Variants in NT5DC1 observed in about 807,000 individuals in gnomAD.
NT5DC1 encodes the protein 5'-nucleotidase domain-containing protein 1.
A neutral mutation model predicts 59.4 loss-of-function variants in NT5DC1; 42 were observed. That is an observed-to-expected ratio of 0.71 (90% CI 0.55 to 0.92). NT5DC1 has a LOEUF of 0.92. Ranked by LOEUF, NT5DC1 falls within the 40% of genes least tolerant of loss-of-function variation. The probability of loss-of-function intolerance (pLI) is 0.00; values close to 1 mark genes in which losing one functional copy is unlikely to be tolerated. For synonymous variants in NT5DC1, 172 were observed against 188.1 expected (o/e 0.91, Z 0.70); for missense variants, 501 against 537.1 (o/e 0.93, Z 0.66).
At chr6:116,108,570 GT>G in intron 3 of NT5DC1, 135 bp downstream of exon 3, 1 of 616,748 alleles carries the variant, frequency 1.6e-6, no homozygotes, top group South Asian at 2.0e-5. Flanking sequence ...CTGTCTACAT[GT>G]CTTTGTATGA....
intron 8 of NT5DC1, among the ~76,000 whole-genome samples, chr6:116,236,613 T>G (rs960517193): frequency 1.3e-5 from 2 of 152,190 alleles, no homozygotes; most frequent in African/African-American, 4.8e-5. Flanking sequence ...CTAATGACTT[T>G]CATTGTGTTA....
At chr6:116,223,304 C>T (rs557208479) in intron 8 of NT5DC1, among the ~76,000 whole-genome samples, 173 bp downstream of exon 8, 1 of 152,314 alleles carries the variant, frequency 6.6e-6, no homozygotes, top group African/African-American at 2.4e-5. Flanking sequence ...ACAATTATTT[C>T]TTTGCATGTC....
At chr6:116,155,644 A>G (rs985877139) in intron 6 of NT5DC1, among the ~76,000 whole-genome samples, 6 of 152,026 alleles carry the variant, frequency 3.9e-5, no homozygotes, top group Non-Finnish European at 5.9e-5. Flanking sequence ...CTCCATTACA[A>G]CATAGGTTGT....
intron 4 of NT5DC1, among the ~76,000 whole-genome samples, chr6:116,111,698 T>A (rs1314921281): frequency 1.3e-5 from 2 of 152,216 alleles, no homozygotes; most frequent in Non-Finnish European, 2.9e-5. Flanking sequence ...TTGTTCCTAT[T>A]GTGTTTGCTT....
intron 8 of NT5DC1, among the ~76,000 whole-genome samples, chr6:116,228,452 G>A (rs929658548): frequency 5.3e-5 from 8 of 152,120 alleles, no homozygotes; most frequent in Admixed American, 3.3e-4. Flanking sequence ...AGGTTGCGGT[G>A]AGCCAAGATC....
At chr6:116,207,767 G>A (rs868396567) in intron 6 of NT5DC1, among the ~76,000 whole-genome samples, 4 of 151,890 alleles carry the variant, frequency 2.6e-5, no homozygotes, top group Admixed American at 6.6e-5. Flanking sequence ...GGTTCCCACT[G>A]TATTTCTACC....
chr6:116,157,059 T>C (rs1004137928), intron 6 of NT5DC1, among the ~76,000 whole-genome samples: 10 of 152,146 alleles, frequency 6.6e-5, no homozygotes, highest in African/African-American at 2.4e-4. Context: ...TTCCACCAAA[T>C]AGACATGGAG....
At chr6:116,181,749 T>C (rs1780876782) in intron 6 of NT5DC1, among the ~76,000 whole-genome samples, 1 of 151,910 alleles carries the variant, frequency 6.6e-6, no homozygotes, top group African/African-American at 2.4e-5. Flanking sequence ...TTGAGAGAAA[T>C]AACTGAAGAC....
intron 6 of NT5DC1, among the ~76,000 whole-genome samples, chr6:116,209,903 A>T (rs1781540598): frequency 6.6e-6 from 1 of 152,014 alleles, no homozygotes; most frequent in Admixed American, 6.6e-5. Context: ...TTTAACAGAT[A>T]ATGGTCATCA....
At chr6:116,151,910 T>A (rs1271129928) in intron 6 of NT5DC1, among the ~76,000 whole-genome samples, 5 of 152,198 alleles carry the variant, frequency 3.3e-5, no homozygotes, top group Non-Finnish European at 7.4e-5. Context: ...TGCATTTATT[T>A]TGGCTTCTGA....
At chr6:116,173,894 G>A (rs758049943) in intron 6 of NT5DC1, among the ~76,000 whole-genome samples, 5 of 152,078 alleles carry the variant, frequency 3.3e-5, no homozygotes, top group Admixed American at 1.3e-4. Flanking sequence ...TTATACTAAT[G>A]TCCTTTTCCT....
intron 6 of NT5DC1, among the ~76,000 whole-genome samples, chr6:116,135,840 T>C: frequency 1.4e-5 from 1 of 72,154 alleles, no homozygotes; most frequent in Admixed American, 1.9e-4. Context: ...TTCAGATATA[T>C]ATATATATAT....
chr6:116,108,126 T>C (rs566973839), intron 2 of NT5DC1, among the ~76,000 whole-genome samples: 113 of 152,318 alleles, frequency 7.4e-4, no homozygotes, highest in Admixed American at 1.8e-3. Context: ...GCCTAAAGAT[T>C]TTACAAACTA....
chr6:116,164,574 A>G (rs1033818398), intron 6 of NT5DC1, among the ~76,000 whole-genome samples: 1 of 152,156 alleles, frequency 6.6e-6, no homozygotes, highest in Admixed American at 6.5e-5. Context: ...ATTTATGTTC[A>G]AGGTTAATAT....
At chr6:116,104,417 C>G (rs1778731512) in intron 1 of NT5DC1, among the ~76,000 whole-genome samples, 1 of 152,152 alleles carries the variant, frequency 6.6e-6, no homozygotes, top group African/African-American at 2.4e-5. Flanking sequence ...ACTTGAATAA[C>G]TGGAGAAACT....
intron 6 of NT5DC1, among the ~76,000 whole-genome samples, chr6:116,211,874 C>T (rs920618813): frequency 6.6e-6 from 1 of 152,040 alleles, no homozygotes; most frequent in Admixed American, 6.6e-5. Context: ...AGAGAGCCTA[C>T]ACCTGCTCTG....
At chr6:116,146,842 A>G (rs1215795180) in intron 6 of NT5DC1, among the ~76,000 whole-genome samples, 2 of 151,974 alleles carry the variant, frequency 1.3e-5, no homozygotes, top group African/African-American at 4.8e-5. Flanking sequence ...TGTTTGGCCT[A>G]TGGATAGCCA....
At chr6:116,230,348 C>T (rs920218814) in intron 8 of NT5DC1, among the ~76,000 whole-genome samples, 1 of 152,180 alleles carries the variant, frequency 6.6e-6, no homozygotes, top group Non-Finnish European at 1.5e-5. Context: ...TCCTAAATTA[C>T]CTTTCCATCT....
intron 6 of NT5DC1, among the ~76,000 whole-genome samples, chr6:116,164,670 G>T (rs1458359600): frequency 6.6e-6 from 1 of 152,158 alleles, no homozygotes; most frequent in African/African-American, 2.4e-5. Flanking sequence ...TAGGATGTGT[G>T]AACTTTGTAC....
Sources: gnomAD v4.1 joint callset for allele counts (sites outside exome capture counted in the v4.1 genomes callset) on GRCh38, gnomAD v4.1.1 for gene constraint, MANE v1.5 for transcripts, NCBI Gene and HGNC (gene_info 2026-07-23, HGNC 2026-07-21) for gene names.